The following LRRC71 variants were observed in gnomAD, a reference collection of about 807,000 sequenced individuals.
LRRC71 encodes leucine rich repeat containing 71, also known as leucine-rich repeat-containing protein 71.
LRRC71 carries 54 observed loss-of-function variants against 66.6 expected under a neutral mutation model. That is an observed-to-expected ratio of 0.81 (90% confidence interval 0.65 to 1.02). The LOEUF is 1.02. Ranked by LOEUF, LRRC71 falls within the 50% of genes least tolerant of loss-of-function variation. LRRC71 has a pLI of 0.00. For missense variants in LRRC71, 724 were observed against 718.0 expected (o/e 1.01, Z -0.10); for synonymous variants, 323 against 303.9 (o/e 1.06, Z -0.65).
intron 5 of LRRC71, among the ~76,000 whole-genome samples, chr1:156,925,818 G>C (rs774801062): frequency 2.6e-5 from 4 of 152,196 alleles, no homozygotes; most frequent in Non-Finnish European, 4.4e-5. Context: ...TTGAGGGCAG[G>C]GACTGTGTCT....
At chr1:156,926,372 A>G (rs865239) in intron 5 of LRRC71, among the ~76,000 whole-genome samples, 99,214 of 151,978 alleles carry the variant, frequency 0.65, 34,048 homozygotes, top group East Asian at 0.86. Flanking sequence ...CTCCAGGCTC[A>G]CTTATGTGGC....
In LRRC71 at chr1:156,932,842, T is replaced by G. The variant is rs768760351; in HGVS notation, c.1564-11T>G. The G allele has an allele frequency of 6.2e-7, 1 of 1,605,016 alleles. No homozygotes were observed. Among genetic ancestry groups the G allele is most frequent in the Non-Finnish European group, 8.5e-7 (1 of 1,175,864 alleles). On this transcript the variant is annotated splice_polypyrimidine_tract_variant and intron_variant, in intron 14 of 14. Transcript: ENST00000337428. ...CCTCTTGTCAGATGTCAGCCTTCCT[T>G]TTCTTTTCAGAAAAATTGCTTCGCC...
downstream of LRRC71, chr1:156,935,721 C>A (rs951738356): frequency 7.1e-5 from 32 of 453,716 alleles, no homozygotes; most frequent in Middle Eastern, 5.7e-4. Context: ...TGAGGGCAGA[C>A]CATGGTGAGT....
At chr1:156,939,456 G>T in the LRRC71 span, 2 of 1,564,764 alleles carry the variant, frequency 1.3e-6, no homozygotes, top group East Asian at 2.2e-5. Context: ...CGGTACCCAG[G>T]GGGAGTATAG....
rs1192647267 is a variant in LRRC71 at position 156,930,595 on chromosome 1, G to A, written c.1307G>A (p.Arg436His). ...KGIKIGSREK[R>H]SILLESELVV... ...ATCAAGATCGGGAGCAGAGAGAAGC[G>A]CAGCATCCTCCTGGAGTCCGAGGTA... The change falls in exon 12 of 15, where the codon CGC becomes CAC. Residue 436 changes from arginine (R) to histidine (H), a missense_variant. Coordinates refer to ENST00000337428, the MANE Select transcript of LRRC71 (RefSeq NM_144702.3). 14 of 1,566,096 alleles carry A rather than the reference G, an allele frequency of 8.9e-6. No individual in the cohort carries two copies. Among genetic ancestry groups the A allele is most frequent in the Admixed American group, 3.8e-5 (2 of 52,826 alleles).
At chr1:156,927,366 G>T in intron 6 of LRRC71, 96 bp downstream of exon 6, 5 of 1,534,572 alleles carry the variant, frequency 3.3e-6, no homozygotes, top group South Asian at 1.2e-5. Flanking sequence ...TACCATCTCG[G>T]CAAGGGCCCT....
At chr1:156,938,737 C>A in the LRRC71 span, 1 of 498,070 alleles carries the variant, frequency 2.0e-6, no homozygotes. Flanking sequence ...TCCCAGAAAC[C>A]CAGGAGACAG....
chr1:156,932,915 G>C lies in LRRC71; in HGVS notation c.1626G>C (p.Arg542Ser), dbSNP rs758163106. The C allele has an allele frequency of 6.2e-7, 1 of 1,604,038 alleles. No homozygotes were observed. The change falls in exon 15 of 15, where the codon AGG becomes AGC. Residue 542 changes from arginine to serine, a missense_variant. Coordinates refer to ENST00000337428, the MANE Select transcript of LRRC71 (RefSeq NM_144702.3). ...TAATCCAGGAGCTGATGTTGCCAAGGGATCCCATCAAGGCCAAACTCAGGG... is the reference window on the plus strand; with the variant it reads ...TAATCCAGGAGCTGATGTTGCCAAGCGATCCCATCAAGGCCAAACTCAGGG... ...YAIIQELMLP[R>S]DPIKAKLRED...
Position 156,929,639 on chromosome 1 carries a change from T to A in LRRC71, c.1150T>A (p.Leu384Met), listed in dbSNP as rs756062427. ...LGKKKEKSWE[L>M]AKKEEKLGSG... ...TCTCTTCTCACATTCTCCACAGGAA[T>A]TGGCCAAGAAAGAGGAGAAGTTGGG... Residue 384 changes from leucine (L) to methionine (M), a missense_variant, in exon 11 of 15, where the codon TTG becomes ATG. Physicochemically the swap from Leu to Met is conservative, Grantham distance 15 (BLOSUM62 2). Transcript: ENST00000337428. 1.9e-6 allele frequency: 3 copies of A among 1,583,130 alleles called. No homozygotes were observed. In the South Asian group the frequency reaches 3.5e-5, roughly 18 times the overall value.
chr1:156,921,752 CA>C, intron 1 of LRRC71: 1 of 521,292 alleles, frequency 1.9e-6, no homozygotes, highest in Non-Finnish European at 2.4e-6. Context: ...CACACACACA[CA>C]CACACACACA....
At chr1:156,923,917 C>T in intron 1 of LRRC71, 32 bp from the exon 2 acceptor site, 1 of 1,438,942 alleles carries the variant, frequency 6.9e-7, no homozygotes, top group Non-Finnish European at 9.2e-7. Context: ...TGGGCGTGGC[C>T]CCTTCTCTCA....
At chr1:156,928,325 CT>C (rs1653555480) in intron 9 of LRRC71, among the ~76,000 whole-genome samples, 1 of 136,012 alleles carries the variant, frequency 7.4e-6, no homozygotes, top group African/African-American at 2.7e-5. Flanking sequence ...TCTTCTTCTT[CT>C]TTCTTTTTTC....
At chr1:156,937,242 C>T (rs773488750), downstream of LRRC71, 7 of 1,611,334 alleles carry the variant, frequency 4.3e-6, no homozygotes, top group African/African-American at 1.4e-5. Flanking sequence ...AGCCCTGCTT[C>T]CCTCACCTTG....
At chr1:156,938,992 G>A in the LRRC71 span, 1 of 184,932 alleles carries the variant, frequency 5.4e-6, no homozygotes, top group Non-Finnish European at 1.1e-5. Flanking sequence ...CGTCCATGGT[G>A]TTTCCCAACC....
chr1:156,924,139 C>T (rs1402841326), intron 2 of LRRC71, 41 bp downstream of exon 2: 1 of 1,542,278 alleles, frequency 6.5e-7, no homozygotes, highest in Admixed American at 2.0e-5. Context: ...CCAGGGCCGC[C>T]TAGTCCATCC....
chr1:156,938,328 G>T, the LRRC71 span: 2 of 1,235,434 alleles, frequency 1.6e-6, no homozygotes, highest in Non-Finnish European at 2.3e-6. Context: ...GTGGGTGTGT[G>T]TGTGACCATG....
chr1:156,939,944 T>C, the LRRC71 span: 120 of 1,595,074 alleles, frequency 7.5e-5, no homozygotes, highest in Admixed American at 2.0e-3. Context: ...CTTCCCAGCA[T>C]GGGACTGCAC....
downstream of LRRC71, among the ~76,000 whole-genome samples, chr1:156,933,635 T>A (rs1366106785): frequency 6.6e-6 from 1 of 152,166 alleles, no homozygotes; most frequent in Non-Finnish European, 1.5e-5. Flanking sequence ...CCTGCAGAAG[T>A]CAGCAATCTG....
chr1:156,935,913 G>T, downstream of LRRC71: 1 of 1,436,278 alleles, frequency 7.0e-7, no homozygotes, highest in Admixed American at 2.1e-5. Flanking sequence ...AGGGAGGAGT[G>T]TTGGGATCCC....
Sources: gnomAD v4.1 joint callset for allele counts (sites outside exome capture counted in the v4.1 genomes callset) on GRCh38, gnomAD v4.1.1 for gene constraint, MANE v1.5 for transcripts, NCBI Gene and HGNC (gene_info 2026-07-23, HGNC 2026-07-21) for gene names.